The following DTL variants were observed in gnomAD, a reference collection of about 807,000 sequenced individuals.
The protein encoded by DTL is denticleless protein homolog.
Under a neutral mutation model 87.0 loss-of-function variants are expected in DTL, and 46 were observed. That is an observed-to-expected ratio of 0.53 (90% CI 0.42 to 0.68). The LOEUF is 0.68. Ranked by LOEUF, DTL falls within the 30% of genes least tolerant of loss-of-function variation. The pLI, the probability that DTL is intolerant of heterozygous loss-of-function variation, is 0.00. For synonymous variants in DTL, 308 were observed against 311.2 expected, an observed-to-expected ratio of 0.99 and a Z score of 0.11; for missense variants, 737 against 869.4, an observed-to-expected ratio of 0.85 and a Z score of 1.91.
Position 212,068,278 on chromosome 1 carries a change from C to T in DTL, c.768C>T (p.Pro256=). 6.2e-7 allele frequency: 1 copy of T among 1,612,220 alleles called. No homozygotes were observed. Among genetic ancestry groups the T allele is most frequent in the Non-Finnish European group, 8.5e-7 (1 of 1,179,494 alleles). ...RKNYTAYRQE[P]IASKSFLYPG... is the part of the protein sequence containing the mutation. ...ATTATACTGCTTATCGACAAGAACC[C>T]ATAGCATCCAAGTCTTTCCTGTACC... is the stretch of plus-strand genomic sequence containing the variant. Residue 256 remains proline, a synonymous_variant, in exon 9 of 15, where the codon CCC becomes CCT. Transcript: ENST00000366991.
chr1:212,042,626 A>G (rs1667688855), intron 1 of DTL, among the ~76,000 whole-genome samples: 1 of 152,206 alleles, frequency 6.6e-6, no homozygotes, highest in Non-Finnish European at 1.5e-5. Context: ...ATAAGAATTT[A>G]ATTGAAGGGG....
chr1:212,043,292 A>T (rs933753277), intron 2 of DTL, among the ~76,000 whole-genome samples, 174 bp downstream of exon 2: 3 of 152,220 alleles, frequency 2.0e-5, no homozygotes, highest in Non-Finnish European at 4.4e-5. Context: ...TAATCTCTAT[A>T]CATCATTAGC....
chr1:212,075,525 T>G (rs1654801775), intron 11 of DTL, among the ~76,000 whole-genome samples: 1 of 152,118 alleles, frequency 6.6e-6, no homozygotes, highest in Non-Finnish European at 1.5e-5. Flanking sequence ...AAAAATTTAT[T>G]TGAATAAAAA....
chr1:212,044,637 T>A (rs771892181), intron 2 of DTL, 23 bp from the exon 3 acceptor site: 263 of 1,314,754 alleles, frequency 2.0e-4, no homozygotes, highest in Admixed American at 2.9e-4. Flanking sequence ...CTCTATATAT[T>A]TTTTTCTTTA....
At chr1:212,045,557 A>G (rs1667783410) in intron 3 of DTL, among the ~76,000 whole-genome samples, 4 of 152,330 alleles carry the variant, frequency 2.6e-5, no homozygotes, top group Non-Finnish European at 2.9e-5. Context: ...GAAATAAAAC[A>G]AAGACTATAA....
At chr1:212,058,422 G>T (rs1277182536) in intron 5 of DTL, among the ~76,000 whole-genome samples, 1 of 152,032 alleles carries the variant, frequency 6.6e-6, no homozygotes, top group Non-Finnish European at 1.5e-5. Context: ...CTACAAATAC[G>T]TGGAAATTAG....
rs1343837589 is a variant in DTL at position 212,104,741 on chromosome 1, T to C, written c.*1801T>C. On this transcript the variant is annotated 3_prime_UTR_variant, in exon 15 of 15. Coordinates refer to ENST00000366991, the MANE Select transcript of DTL (RefSeq NM_016448.4). ...TAACATGTCTCACTTGGAAAGCTAG[T>C]ACTTTTAAATGGGTGCCAAAGGTCA... 2.0e-5 allele frequency: 3 copies of C among 152,210 alleles called. No homozygotes were observed. The highest frequency in any genetic ancestry group is 7.2e-5 in the African/African-American group (3 of 41,444). The allele number at this position is 152,210 out of a possible 1,614,324, so 9.4% of individuals were successfully genotyped here.
At chr1:212,098,513 T>C (rs1328152811) in intron 13 of DTL, among the ~76,000 whole-genome samples, 3 of 152,064 alleles carry the variant, frequency 2.0e-5, no homozygotes, top group Non-Finnish European at 4.4e-5. Context: ...CCAGGGCGGT[T>C]AGAGAAAGAC....
intron 5 of DTL, among the ~76,000 whole-genome samples, chr1:212,050,125 T>C (rs1667922231): frequency 6.6e-6 from 1 of 152,176 alleles, no homozygotes; most frequent in South Asian, 2.1e-4. Flanking sequence ...GAGCTGTGAT[T>C]GTGCCATCAT....
intron 5 of DTL, chr1:212,051,841 A>G: frequency 1.3e-6 from 1 of 784,988 alleles, no homozygotes; most frequent in Non-Finnish European, 2.2e-6. Flanking sequence ...CCATGGTAAC[A>G]CTTGTGGGGC....
At chr1:212,036,060 G>T (rs1667442783) in intron 1 of DTL, 118 bp downstream of exon 1, 2 of 964,480 alleles carry the variant, frequency 2.1e-6, no homozygotes, top group Non-Finnish European at 3.2e-6. Flanking sequence ...TTCTCCCATG[G>T]CAAGGGTAAA....
At chr1:212,070,706 C>T (rs1225370377) in intron 10 of DTL, among the ~76,000 whole-genome samples, 3 of 151,306 alleles carry the variant, frequency 2.0e-5, no homozygotes, top group East Asian at 1.9e-4. Context: ...ATCTTGGATT[C>T]GATACTTGAT....
intron 11 of DTL, 126 bp from the exon 12 acceptor site, chr1:212,078,047 C>A: frequency 5.9e-6 from 3 of 511,330 alleles, no homozygotes; most frequent in South Asian, 3.4e-5. Context: ...CTAACTATAG[C>A]TAGGCAGGTC....
intron 3 of DTL, among the ~76,000 whole-genome samples, chr1:212,045,652 A>T (rs138067341): frequency 8.5e-5 from 13 of 152,344 alleles, no homozygotes; most frequent in Middle Eastern, 3.4e-3. Flanking sequence ...CTTACGAAGC[A>T]TGGGGCATTT....
intron 10 of DTL, 137 bp downstream of exon 10, chr1:212,068,840 G>T (rs1423891721): frequency 1.4e-5 from 8 of 558,718 alleles, no homozygotes; most frequent in Non-Finnish European, 2.2e-5. Flanking sequence ...ATTACATCCA[G>T]TGATAATTTC....
intron 11 of DTL, among the ~76,000 whole-genome samples, chr1:212,076,436 A>G (rs557892353): frequency 2.6e-5 from 4 of 152,276 alleles, no homozygotes; most frequent in African/African-American, 9.6e-5. Context: ...AAATGTGCAT[A>G]TATTCTATTG....
In DTL at chr1:212,102,962, T is replaced by A. The variant is rs747214263; in HGVS notation, c.*22T>A. On this transcript the variant is annotated 3_prime_UTR_variant, in exon 15 of 15. Coordinates refer to ENST00000366991, the MANE Select transcript of DTL (RefSeq NM_016448.4). ...ATAGATTCTAATCTGAGTGAGTTAC[T>A]GAGCTTTGGTCCACTAAAACAAGCT... The A allele has an allele frequency of 1.8e-5, 25 of 1,425,554 alleles. No individual in the cohort carries two copies. 88.3% of individuals were successfully genotyped at this position (1,425,554 alleles called of 1,614,324 possible).
At chr1:212,061,456 A>G (rs1013713313) in intron 5 of DTL, among the ~76,000 whole-genome samples, 1 of 150,956 alleles carries the variant, frequency 6.6e-6, no homozygotes, top group Non-Finnish European at 1.5e-5. Flanking sequence ...GTTGGTGGAA[A>G]TGTAAATTAG....
chr1:212,098,829 G>A (rs1413234797), intron 13 of DTL, among the ~76,000 whole-genome samples: 2 of 151,554 alleles, frequency 1.3e-5, no homozygotes, highest in Admixed American at 6.6e-5. Context: ...AAAACTCCCC[G>A]CCGAGAAAGC....
Sources: allele counts gnomAD v4.1 joint callset (sites outside exome capture counted in the v4.1 genomes callset), GRCh38; gene constraint gnomAD v4.1.1; transcripts MANE v1.5; gene names NCBI Gene and HGNC (gene_info 2026-07-23, HGNC 2026-07-21).